The following TTN variants were observed in gnomAD, a reference collection of about 807,000 sequenced individuals.
The protein encoded by TTN is titin, also known as connectin.
Under a neutral mutation model 3,223.0 loss-of-function variants are expected in TTN, and 1,525 were observed. That is an observed-to-expected ratio of 0.47 (90% CI 0.45 to 0.49). The LOEUF (loss-of-function observed/expected upper bound fraction) is 0.49. Ranked by LOEUF, TTN falls within the 20% of genes least tolerant of loss-of-function variation. The pLI is 0.00. For synonymous variants in TTN, 14,094 were observed against 15,161.0 expected, an observed-to-expected ratio of 0.93 and a Z score of 5.17; for missense variants, 40,786 against 43,424.0, an observed-to-expected ratio of 0.94 and a Z score of 5.40.
rs1339057661 is a variant in TTN at position 178,664,000 on chromosome 2, G to C, written c.36364+15C>G. On this transcript the variant is annotated intron_variant, in intron 169 of 362. Transcript: ENST00000589042. ...AGAATTAGGTCTTCTGAAGCCTAAA[G>C]TCAGTGACAAATACCTTTAACAGGT... The C allele has an allele frequency of 3.1e-6, 5 of 1,608,800 alleles. No homozygotes were observed. Among genetic ancestry groups the C allele is most frequent in the Non-Finnish European group, 4.2e-6 (5 of 1,177,492 alleles).
rs1577285224 is a variant in TTN, at chr2:178,677,296, C to T, written c.34292-9G>A. 2 of 1,158,366 alleles carry T rather than the reference C, an allele frequency of 1.7e-6. No homozygotes were observed. The highest frequency in any genetic ancestry group is 4.3e-5 in the East Asian group (1 of 23,256). 71.8% of individuals were successfully genotyped at this position (1,158,366 alleles called of 1,614,324 possible). ...CTTTGGCACTTCAGGCACTTAAAAA[C>T]ATTTCATTTGAAGGCATTAAAAACC... On this transcript the variant is annotated splice_polypyrimidine_tract_variant and intron_variant, in intron 146 of 362. Transcript: ENST00000589042.
intron 159 of TTN, 112 bp downstream of exon 159, chr2:178,669,261 T>C: frequency 1.2e-6 from 1 of 806,632 alleles, no homozygotes; most frequent in Non-Finnish European, 1.9e-6. Context: ...TGTGGCATGT[T>C]AGGCTTTTAT....
At chr2:178,765,602 G>A (rs948287755) in intron 41 of TTN, among the ~76,000 whole-genome samples, 4 of 152,148 alleles carry the variant, frequency 2.6e-5, no homozygotes, top group Non-Finnish European at 5.9e-5. Flanking sequence ...GAATGCTGGC[G>A]ATATGGTTCA....
In TTN at chr2:178,535,897, CAGTATGTGTTTA is replaced by C. The variant is rs747203279; in HGVS notation, c.100766-60_100766-49del. ...AAGAATATAATTTAGCAACATCTAA[CAGTATGTGTTTA>C]AGTGCAATAGCCTCCACCCCCAAGT... On this transcript the variant is annotated intron_variant, in intron 357 of 362. Coordinates refer to ENST00000589042, the MANE Select transcript of TTN (RefSeq NM_001267550.2). 7.2e-5 allele frequency: 108 copies of C among 1,502,698 alleles called. No individual in the cohort carries two copies. In the African/African-American group the frequency reaches 1.4e-3, roughly 20 times the overall value. The allele number at this position is 1,502,698 out of a possible 1,614,324, so 93.1% of individuals were successfully genotyped here. A position where few individuals can be genotyped will look rare whatever the true frequency, so the allele number is the denominator to read the frequency against.
At position 178,537,807 on chromosome 2, in the gene TTN, A is replaced by G; in HGVS notation, c.99400T>C (p.Trp33134Arg). ...IVGRPLPDIKWYRFGKELIQS... is the reference protein window; with the variant it reads ...IVGRPLPDIKRYRFGKELIQS... Reference sequence around the variant, plus strand: ...ATGAGCTCTTTACCAAATCTGTACCATTTAATGTCAGGAAGAGGCCTTCCA... The same window carrying G: ...ATGAGCTCTTTACCAAATCTGTACCGTTTAATGTCAGGAAGAGGCCTTCCA... The change falls in exon 355 of 363, where the codon TGG becomes CGG. Residue 33134 changes from tryptophan to arginine, a missense_variant. Physicochemically the swap from Trp to Arg is moderately radical, Grantham distance 101. Transcript: ENST00000589042. The G allele has an allele frequency of 6.2e-7, 1 of 1,613,738 alleles. No individual in the cohort carries two copies. Among genetic ancestry groups the G allele is most frequent in the Non-Finnish European group, 8.5e-7 (1 of 1,179,754 alleles).
rs879035292 is a variant in TTN, at chr2:178,613,035, A to G, written c.49686T>C (p.Asp16562=). Residue 16562 remains aspartate, a synonymous_variant, in exon 265 of 363, where the codon GAT becomes GAC. Transcript: ENST00000589042. ...PWPPGKPTVK[D]VGKTSVRLNW... is the part of the protein sequence containing the mutation. ...TCAACCTTACTGATGTTTTGCCTACATCTTTTACAGTTGGTTTTCCAGGGG... is the reference window on the plus strand; with the variant it reads ...TCAACCTTACTGATGTTTTGCCTACGTCTTTTACAGTTGGTTTTCCAGGGG... 1.2e-6 allele frequency: 2 copies of G among 1,612,732 alleles called. No homozygotes were observed. The highest frequency in any genetic ancestry group is 1.7e-6 in the Non-Finnish European group (2 of 1,179,214).
Position 178,671,988 on chromosome 2 carries a change from G to A in TTN, c.35210C>T (p.Pro11737Leu). ...CCCTATACCTTTAGGTGGAGCTTTT[G>A]GTTTTTCAAATACTTCCACTTCTTC... ...EAEEVEVFEK[P>L]KAPPKGPEIS... Residue 11737 changes from proline (P) to leucine (L), a missense_variant, in exon 155 of 363, where the codon CCA becomes CTA. Physicochemically the swap from Pro to Leu is moderately conservative, Grantham distance 98. Transcript: ENST00000589042. 6.2e-7 allele frequency: 1 copy of A among 1,602,190 alleles called. No individual in the cohort carries two copies.
rs773301754 is a variant in TTN at position 178,575,985 on chromosome 2, T to C, written c.70147A>G (p.Ile23383Val). ...ATGTTGGCTCGGTTTTTCAGGTTGATGTTATCTTTGGTCCATGTCACTTCA... is the reference window on the plus strand; with the variant it reads ...ATGTTGGCTCGGTTTTTCAGGTTGACGTTATCTTTGGTCCATGTCACTTCA... ...APEVTWTKDN[I>V]NLKNRANIEN... is the part of the protein sequence containing the mutation. Residue 23383 changes from isoleucine to valine, a missense_variant, in exon 326 of 363, where the codon ATC becomes GTC. Coordinates refer to ENST00000589042, the MANE Select transcript of TTN (RefSeq NM_001267550.2). The surrounding 1 kb of genome is among the most constrained non-coding windows in gnomAD (Gnocchi z 4.0). The C allele has an allele frequency of 1.2e-6, 2 of 1,611,740 alleles. No homozygotes were observed. Among genetic ancestry groups the C allele is most frequent in the Admixed American group, 3.3e-5 (2 of 59,978 alleles).
chr2:178,705,073 A>G, intron 103 of TTN, 101 bp downstream of exon 103: 2 of 1,572,894 alleles, frequency 1.3e-6, no homozygotes, highest in African/African-American at 1.4e-5. Flanking sequence ...GTCATATTAA[A>G]TGACGTCATA....
chr2:178,767,978 G>C (rs1344883256), intron 39 of TTN, 36 bp downstream of exon 39: 1 of 1,614,056 alleles, frequency 6.2e-7, no homozygotes, highest in Non-Finnish European at 8.5e-7. Flanking sequence ...GAGGAAACTG[G>C]GAATTACTGG....
chr2:178,715,670 A>C lies in TTN; in HGVS notation c.25744T>G (p.Leu8582Val), dbSNP rs1420202972. The C allele has an allele frequency of 1.2e-6, 2 of 1,612,800 alleles. No homozygotes were observed. Among genetic ancestry groups the C allele is most frequent in the Non-Finnish European group, 1.7e-6 (2 of 1,179,382 alleles). The change falls in exon 89 of 363, where the codon TTA becomes GTA. Residue 8582 changes from leucine (L) to valine (V), a missense_variant. Physicochemically the swap from Leu to Val is conservative, Grantham distance 32. Coordinates refer to ENST00000589042, the MANE Select transcript of TTN (RefSeq NM_001267550.2). ...ATTTCAGTCTCGTCCTTATACCATAAAACTTTGATTTCTGGAGACCCACCG... is the reference window on the plus strand; with the variant it reads ...ATTTCAGTCTCGTCCTTATACCATACAACTTTGATTTCTGGAGACCCACCG... ...KIGGSPEIKV[L>V]WYKDETEIQE... is the part of the protein sequence containing the mutation.
chr2:178,675,161 G>T, intron 149 of TTN, 48 bp from the exon 150 acceptor site: 5 of 1,273,896 alleles, frequency 3.9e-6, no homozygotes, highest in Non-Finnish European at 4.4e-6. Context: ...AAGAACCAAA[G>T]AAGAATAAAG....
At position 178,553,391 on chromosome 2, in the gene TTN, G is replaced by C; in HGVS notation, c.89509C>G (p.Pro29837Ala). The C allele has an allele frequency of 6.3e-7, 1 of 1,592,200 alleles. No homozygotes were observed. The highest frequency in any genetic ancestry group is 8.6e-7 in the Non-Finnish European group (1 of 1,169,528). Residue 29837 changes from proline (P) to alanine (A), a missense_variant, in exon 335 of 363, where the codon CCA becomes GCA. By Grantham distance (27) the Pro-to-Ala change is conservative. Coordinates refer to ENST00000589042, the MANE Select transcript of TTN (RefSeq NM_001267550.2). ...PVQAKDILEAPEIDLDVALRT... is the reference protein window; with the variant it reads ...PVQAKDILEAAEIDLDVALRT... ...AGAGCCACATCCAGGTCAATCTCTGGTGCCTCTGTAGACATAAAATGGATA... is the reference window on the plus strand; with the variant it reads ...AGAGCCACATCCAGGTCAATCTCTGCTGCCTCTGTAGACATAAAATGGATA...
chr2:178,598,962 C>T lies in TTN; in HGVS notation c.56748G>A (p.Val18916=). The T allele has an allele frequency of 6.2e-7, 1 of 1,612,608 alleles. No homozygotes were observed. Among genetic ancestry groups the T allele is most frequent in the South Asian group, 1.1e-5 (1 of 90,988 alleles). Residue 18916 remains valine (V), a synonymous_variant, in exon 291 of 363, where the codon GTG becomes GTA. Transcript: ENST00000589042. ...EEPEYDGGSP[V]TGYWLEMKDT... ...CTTTCATTTCCAGCCAGTACCCTGT[C>T]ACAGGAGAGCCTCCATCATATTCTG...
chr2:178,595,306 A>G lies in TTN; in HGVS notation c.57847+201T>C, dbSNP rs970169074. ...AAAAGAAAAAAAAAAACAAAAAGAA[A>G]TTCAATGAATTATACATATTTGTAA... On this transcript the variant is annotated intron_variant, in intron 295 of 362. Coordinates refer to ENST00000589042, the MANE Select transcript of TTN (RefSeq NM_001267550.2). Among the ~76,000 whole-genome samples the G allele has an allele frequency of 4.6e-5, 7 of 151,906 alleles. 1 individual carries two copies. Among genetic ancestry groups the G allele is most frequent in the Admixed American group, 3.3e-4 (5 of 15,228 alleles).
chr2:178,799,227 C>T, intron 6 of TTN: 1 of 479,998 alleles, frequency 2.1e-6, no homozygotes, highest in Non-Finnish European at 3.8e-6. Context: ...TCACCCTGAC[C>T]TGCCACGCCC....
chr2:178,710,193 C>T (rs924777274), intron 98 of TTN, among the ~76,000 whole-genome samples: 2 of 152,176 alleles, frequency 1.3e-5, no homozygotes, highest in Non-Finnish European at 2.9e-5. Context: ...TGCCTGTAAT[C>T]CCAGCACTTT....
chr2:178,562,239 C>T lies in TTN; in HGVS notation c.83893G>A (p.Val27965Ile), dbSNP rs1321140287. 5 of 1,612,876 alleles carry T rather than the reference C, an allele frequency of 3.1e-6. No individual in the cohort carries two copies. Among genetic ancestry groups the T allele is most frequent in the Non-Finnish European group, 4.2e-6 (5 of 1,179,516 alleles). The change falls in exon 326 of 363, where the codon GTT becomes ATT. Residue 27965 changes from valine to isoleucine, a missense_variant. Val to Ile is a conservative substitution (Grantham distance 29, BLOSUM62 3). Coordinates refer to ENST00000589042, the MANE Select transcript of TTN (RefSeq NM_001267550.2). ...IARDIEIKPS[V>I]ELPFHTFNVK... ...TTGAAAGTATGGAAAGGAAGCTCAACTGAAGGCTTTATTTCAATATCCCTT... is the reference window on the plus strand; with the variant it reads ...TTGAAAGTATGGAAAGGAAGCTCAATTGAAGGCTTTATTTCAATATCCCTT...
At position 178,740,366 on chromosome 2, in the gene TTN, G is replaced by C; in HGVS notation, c.12867C>G (p.Pro4289=). 1 of 1,613,534 alleles carries C rather than the reference G, an allele frequency of 6.2e-7. No individual in the cohort carries two copies. The highest frequency in any genetic ancestry group is 8.5e-7 in the Non-Finnish European group (1 of 1,179,742). The part of the protein sequence containing the change: ...DVMISQVNYE[P]LVPSEHSCTE... ...TGCATGAGTGTTCTGAAGGGACTAGGGGCTCATAGTTTACCTGAGAGATCA... is the reference window on the plus strand; with the variant it reads ...TGCATGAGTGTTCTGAAGGGACTAGCGGCTCATAGTTTACCTGAGAGATCA... Residue 4289 remains proline, a synonymous_variant, in exon 48 of 363, where the codon CCC becomes CCG. Coordinates refer to ENST00000589042, the MANE Select transcript of TTN (RefSeq NM_001267550.2).
Sources: gnomAD v4.1 joint callset for allele counts (sites outside exome capture counted in the v4.1 genomes callset) on GRCh38, gnomAD v4.1.1 for gene constraint, Gnocchi (gnomAD v3.1) non-coding constraint, MANE v1.5 for transcripts, NCBI Gene and HGNC (gene_info 2026-07-23, HGNC 2026-07-21) for gene names.